The following KLF12 variants were observed in gnomAD, a reference collection of about 807,000 sequenced individuals.
The protein encoded by KLF12 is KLF transcription factor 12, also known as Krueppel-like factor 12.
In KLF12, 9 loss-of-function variants were observed where a neutral mutation model predicts 37.8. That is an observed-to-expected ratio of 0.24 (90% confidence interval 0.14 to 0.42). The LOEUF is 0.42. Among genes scored for constraint, KLF12 ranks in the 10% least tolerant of loss-of-function variants. The pLI, the probability that KLF12 is intolerant of heterozygous loss-of-function variation, is 1.00. For missense variants in KLF12, 411 were observed against 516.0 expected (o/e 0.80, Z 1.97); for synonymous variants, 208 against 202.1 (o/e 1.03, Z -0.25).
intron 4 of KLF12, among the ~76,000 whole-genome samples, chr13:73,824,851 T>C (rs1883746365): frequency 6.6e-6 from 1 of 152,154 alleles, no homozygotes; most frequent in African/African-American, 2.4e-5. Flanking sequence ...GTGGATCATC[T>C]GAGATCAGGA....
At chr13:73,769,662 A>ACC (rs1382989487) in intron 5 of KLF12, among the ~76,000 whole-genome samples, 2 of 152,110 alleles carry the variant, frequency 1.3e-5, no homozygotes, top group African/African-American at 4.8e-5. Context: ...TGAAAACCAG[A>ACC]CCCAGGTTTC....
rs373936784 is a variant in KLF12, at chr13:73,868,327, TGG to T, written c.124-21956_124-21955del. Among the ~76,000 whole-genome samples the T allele has an allele frequency of 9.8e-3, 353 of 35,990 alleles. 7 individuals carry two copies. The highest frequency in any genetic ancestry group is 0.034 in the African/African-American group (247 of 7,260). 23.6% of individuals were successfully genotyped at this position (35,990 alleles called of 152,430 possible). ...CTCAAAAGAAAAAAGGCGGGGGCGG[TGG>T]GGGGGGGGGGTGATTTCAGTACAAA... is the stretch of plus-strand genomic sequence containing the variant. On this transcript the variant is annotated intron_variant, in intron 3 of 7. Coordinates refer to ENST00000377669, the MANE Select transcript of KLF12 (RefSeq NM_007249.5).
At chr13:74,242,778 G>A in the KLF12 span, among the ~76,000 whole-genome samples, 1 of 152,152 alleles carries the variant, frequency 6.6e-6, no homozygotes, top group South Asian at 2.1e-4. Context: ...CTATTTTTAA[G>A]AAGCTCACAG....
At chr13:73,880,925 T>C (rs1351663066) in intron 3 of KLF12, among the ~76,000 whole-genome samples, 1 of 152,340 alleles carries the variant, frequency 6.6e-6, no homozygotes, top group Non-Finnish European at 1.5e-5. Context: ...ACAGAAGTTA[T>C]TATTGCATTA....
chr13:73,926,417 A>G (rs971298269), intron 3 of KLF12, among the ~76,000 whole-genome samples: 5 of 152,174 alleles, frequency 3.3e-5, no homozygotes, highest in African/African-American at 1.2e-4. Context: ...AGGTATATAC[A>G]TTGTTTTTAG....
At chr13:73,787,070 T>A (rs1881398910) in intron 5 of KLF12, among the ~76,000 whole-genome samples, 1 of 152,254 alleles carries the variant, frequency 6.6e-6, no homozygotes, top group Admixed American at 6.5e-5. Context: ...TTAGAGTACA[T>A]GTTTTTCACT....
At chr13:73,966,016 T>C (rs1055463496) in intron 2 of KLF12, among the ~76,000 whole-genome samples, 1 of 152,248 alleles carries the variant, frequency 6.6e-6, no homozygotes, top group Non-Finnish European at 1.5e-5. Context: ...TTGTTAACTC[T>C]TGGAATTTAT....
chr13:73,943,448 G>GTACT (rs1425967126), intron 3 of KLF12, among the ~76,000 whole-genome samples: 1 of 152,124 alleles, frequency 6.6e-6, no homozygotes, highest in Non-Finnish European at 1.5e-5. Context: ...GTTTGGCTAT[G>GTACT]TACTGTTAAA....
At chr13:74,246,309 G>A in the KLF12 span, among the ~76,000 whole-genome samples, 7 of 152,182 alleles carry the variant, frequency 4.6e-5, no homozygotes, top group Non-Finnish European at 8.8e-5. Context: ...TACTCAGAGT[G>A]TCAGAAGGTG....
chr13:74,134,410 T>C (rs1457715612), upstream of KLF12, among the ~76,000 whole-genome samples: 3 of 151,338 alleles, frequency 2.0e-5, no homozygotes, highest in Admixed American at 2.0e-4. Flanking sequence ...AGTGTGATGG[T>C]TGAAATCCCC....
intron 1 of KLF12, among the ~76,000 whole-genome samples, chr13:74,049,722 G>A (rs932827825): frequency 2.0e-5 from 3 of 152,150 alleles, no homozygotes; most frequent in African/African-American, 7.2e-5. Context: ...CAACATTTGA[G>A]AATGAGAGCT....
intron 1 of KLF12, among the ~76,000 whole-genome samples, chr13:74,006,850 C>T (rs1171600714): frequency 6.6e-6 from 1 of 152,208 alleles, no homozygotes; most frequent in Admixed American, 6.5e-5. Flanking sequence ...CCTCATTTAA[C>T]AAGTCTGAAC....
rs1323751696 is a variant in KLF12, at chr13:73,692,598, T to C, written c.*2892A>G. 6.5e-6 allele frequency: 1 copy of C among 152,682 alleles called. No individual in the cohort carries two copies. The highest frequency in any genetic ancestry group is 1.5e-5 in the Non-Finnish European group (1 of 68,050). 9.5% of individuals were successfully genotyped at this position (152,682 alleles called of 1,614,324 possible). A position where few individuals can be genotyped will look rare whatever the true frequency, so the allele number is the denominator to read the frequency against. On this transcript the variant is annotated 3_prime_UTR_variant, in exon 8 of 8. Coordinates refer to ENST00000377669, the MANE Select transcript of KLF12 (RefSeq NM_007249.5). ...AAAGAGGCTAGAAATGGACATGAGA[T>C]GAAATGGAGGCTCTTCCATGACTGA...
chr13:73,822,590 C>T (rs1883589540), intron 4 of KLF12, among the ~76,000 whole-genome samples: 1 of 152,084 alleles, frequency 6.6e-6, no homozygotes, highest in Non-Finnish European at 1.5e-5. Context: ...TAAAATATAA[C>T]TTAAAAATTC....
the KLF12 span, among the ~76,000 whole-genome samples, chr13:74,192,174 A>C: frequency 0.041 from 6,312 of 152,196 alleles, 314 homozygotes; most frequent in African/African-American, 0.12. Context: ...CTTAAAAAAA[A>C]ATGGAAAATA....
intron 4 of KLF12, 69 bp from the exon 5 acceptor site, chr13:73,813,356 C>T: frequency 1.9e-6 from 3 of 1,542,592 alleles, no homozygotes; most frequent in Non-Finnish European, 2.7e-6. Context: ...CCTGGACCAA[C>T]ATCAAGTATG....
In KLF12 at chr13:73,814,587, A is replaced by AATATAAAT. The variant is rs545982485; in HGVS notation, c.671-1308_671-1301dup. Among the ~76,000 whole-genome samples the AATATAAAT allele has an allele frequency of 2.6e-4, 40 of 152,346 alleles. 1 individual carries two copies. The South Asian group carries it at 7.5e-3, about 28-fold the overall frequency. On this transcript the variant is annotated intron_variant, in intron 4 of 7. Transcript: ENST00000377669. ...GTATTTGATACACATCCTGACTTTA[A>AATATAAAT]ATATAAATATACCAAAACGTGCTTT...
the KLF12 span, among the ~76,000 whole-genome samples, chr13:74,280,529 A>C: frequency 6.6e-6 from 1 of 152,226 alleles, no homozygotes; most frequent in Non-Finnish European, 1.5e-5. Context: ...AAAACTGTGC[A>C]ACTTTGTCAG....
intron 1 of KLF12, among the ~76,000 whole-genome samples, chr13:74,050,293 C>T (rs774071942): frequency 7.9e-5 from 12 of 152,198 alleles, no homozygotes; most frequent in Non-Finnish European, 1.6e-4. Flanking sequence ...GACCATACTA[C>T]ATTATCGGTC....
Sources: allele counts gnomAD v4.1 joint callset (sites outside exome capture counted in the v4.1 genomes callset), GRCh38; gene constraint gnomAD v4.1.1; transcripts MANE v1.5; gene names NCBI Gene and HGNC (gene_info 2026-07-23, HGNC 2026-07-21).